Variants in PACSIN2 observed in about 807,000 individuals in gnomAD.
PACSIN2 encodes the protein protein kinase C and casein kinase substrate in neurons protein 2.
In PACSIN2, 25 loss-of-function variants were observed where a neutral mutation model predicts 63.8. That is an observed-to-expected ratio of 0.39 (90% confidence interval 0.29 to 0.55). PACSIN2 has a LOEUF of 0.55. PACSIN2 is among the 20% of genes least tolerant of loss of function. PACSIN2 has a pLI of 0.62. For missense variants in PACSIN2, 518 were observed against 646.9 expected, an observed-to-expected ratio of 0.80 and a Z score of 2.16; for synonymous variants, 255 against 256.2, an observed-to-expected ratio of 1.00 and a Z score of 0.05.
At chr22:42,965,620 C>T (rs1480490934) in intron 1 of PACSIN2, among the ~76,000 whole-genome samples, 1 of 152,172 alleles carries the variant, frequency 6.6e-6, no homozygotes, top group Non-Finnish European at 1.5e-5. Flanking sequence ...GTCATTTTAG[C>T]CCAAGTGTAT....
At chr22:43,012,204 A>G (rs138958847) in intron 1 of PACSIN2, among the ~76,000 whole-genome samples, 39 of 129,854 alleles carry the variant, frequency 3.0e-4, no homozygotes, top group African/African-American at 5.3e-4. Context: ...CATACATACA[A>G]ACATACAAAA....
chr22:42,953,580 A>T (rs1933791328), intron 1 of PACSIN2, among the ~76,000 whole-genome samples: 1 of 152,240 alleles, frequency 6.6e-6, no homozygotes, highest in South Asian at 2.1e-4. Flanking sequence ...ATCTAGAATG[A>T]GAGCTCTCAG....
chr22:43,013,474 G>C (rs1924635687), intron 1 of PACSIN2, among the ~76,000 whole-genome samples: 2 of 152,230 alleles, frequency 1.3e-5, no homozygotes, highest in African/African-American at 2.4e-5. Flanking sequence ...TGAATCAAGA[G>C]AGATCCAAGT....
At chr22:42,941,370 G>C (rs552455545) in intron 1 of PACSIN2, among the ~76,000 whole-genome samples, 2 of 152,342 alleles carry the variant, frequency 1.3e-5, no homozygotes, top group Admixed American at 6.5e-5. Flanking sequence ...ACAAGCCTTT[G>C]TATGGACAGA....
At chr22:42,899,037 G>A (rs1241411947) in intron 2 of PACSIN2, among the ~76,000 whole-genome samples, 1 of 152,146 alleles carries the variant, frequency 6.6e-6, no homozygotes, top group Non-Finnish European at 1.5e-5. Context: ...GCTGGAGAAG[G>A]TCTGCTGTGC....
chr22:42,949,449 TAC>T (rs1933580051), intron 1 of PACSIN2, among the ~76,000 whole-genome samples: 3 of 147,278 alleles, frequency 2.0e-5, no homozygotes, highest in East Asian at 3.9e-4. Context: ...TTAAGCCTCA[TAC>T]ACACACGCGC....
intron 1 of PACSIN2, among the ~76,000 whole-genome samples, chr22:43,010,984 A>C (rs1924452242): frequency 1.3e-5 from 2 of 152,186 alleles, no homozygotes; most frequent in Admixed American, 6.5e-5. Flanking sequence ...CCAAAAAATG[A>C]TGTATTGTGC....
At chr22:42,919,215 C>T (rs1384731657) in intron 1 of PACSIN2, among the ~76,000 whole-genome samples, 1 of 152,178 alleles carries the variant, frequency 6.6e-6, no homozygotes, top group Admixed American at 6.5e-5. Flanking sequence ...GAAAATGAGT[C>T]TCAGCTCCAC....
chr22:42,880,846 G>A (rs2146643183), intron 7 of PACSIN2, among the ~76,000 whole-genome samples: 1 of 152,274 alleles, frequency 6.6e-6, no homozygotes, highest in East Asian at 1.9e-4. Flanking sequence ...CACCTCTAAG[G>A]GACCCAGGCG....
intron 4 of PACSIN2, among the ~76,000 whole-genome samples, chr22:42,889,110 T>C (rs1481047126): frequency 6.6e-6 from 1 of 152,076 alleles, no homozygotes; most frequent in East Asian, 1.9e-4. Flanking sequence ...CAGAGTCAAT[T>C]AGAGGGCATT....
chr22:42,872,162 A>G (rs1294083353), intron 10 of PACSIN2, among the ~76,000 whole-genome samples: 1 of 152,230 alleles, frequency 6.6e-6, no homozygotes, highest in Non-Finnish European at 1.5e-5. Context: ...CTTGGGTAGA[A>G]GAGGAGATAC....
chr22:42,977,785 G>C (rs1921811371), intron 1 of PACSIN2, among the ~76,000 whole-genome samples: 1 of 152,086 alleles, frequency 6.6e-6, no homozygotes, highest in Admixed American at 6.6e-5. Context: ...CACGCTCTCT[G>C]TCTCTCTCCT....
intron 6 of PACSIN2, among the ~76,000 whole-genome samples, chr22:42,883,595 C>G (rs1929235366): frequency 6.6e-6 from 1 of 152,222 alleles, no homozygotes. Flanking sequence ...AGGGTATGTG[C>G]TGTCCTGGGG....
At chr22:42,904,761 C>A (rs1930951614) in intron 2 of PACSIN2, among the ~76,000 whole-genome samples, 2 of 152,184 alleles carry the variant, frequency 1.3e-5, no homozygotes, top group Admixed American at 1.3e-4. Flanking sequence ...CTGGCCCTAG[C>A]CCCCTGCACC....
At chr22:43,010,587 G>A (rs1359952008) in intron 1 of PACSIN2, among the ~76,000 whole-genome samples, 1 of 151,986 alleles carries the variant, frequency 6.6e-6, no homozygotes, top group Non-Finnish European at 1.5e-5. Context: ...GCGGGCGCCT[G>A]TAGTCCCAGC....
At chr22:42,872,299 C>T (rs1018804886) in intron 10 of PACSIN2, among the ~76,000 whole-genome samples, 4 of 152,198 alleles carry the variant, frequency 2.6e-5, no homozygotes, top group Admixed American at 2.0e-4. Context: ...CAGCTCAGAG[C>T]CCAGGGGTGG....
intron 1 of PACSIN2, among the ~76,000 whole-genome samples, chr22:43,008,217 A>G (rs1924223638): frequency 6.6e-6 from 1 of 152,220 alleles, no homozygotes; most frequent in South Asian, 2.1e-4. Context: ...ATCAGAAATA[A>G]GCCACCTAAC....
chr22:42,965,599 G>GT (rs1491118050), intron 1 of PACSIN2, among the ~76,000 whole-genome samples: 2 of 152,176 alleles, frequency 1.3e-5, no homozygotes, highest in Admixed American at 6.5e-5. Flanking sequence ...AAAGATTAAA[G>GT]TAAGTTCTGT....
rs994552474 is a variant in PACSIN2 at position 42,958,430 on chromosome 22, G to A, written c.-77-46273C>T. Among the ~76,000 whole-genome samples, 6 of 152,276 alleles carry A rather than the reference G, an allele frequency of 3.9e-5. 1 individual carries two copies. The highest frequency in any genetic ancestry group is 3.9e-4 in the East Asian group (2 of 5,190). On this transcript the variant is annotated intron_variant, in intron 1 of 10. Coordinates refer to ENST00000263246, the MANE Select transcript of PACSIN2 (RefSeq NM_001184970.3). ...CTGTTTAAAAAGAAAAAAGGAAGGC[G>A]TATTTTTACTTATTGGCATAAATCT...
Sources: allele counts gnomAD v4.1 joint callset (sites outside exome capture counted in the v4.1 genomes callset), GRCh38; gene constraint gnomAD v4.1.1; transcripts MANE v1.5; gene names NCBI Gene and HGNC (gene_info 2026-07-23, HGNC 2026-07-21).